The following ERGIC2 variants were observed in gnomAD, a reference collection of about 807,000 sequenced individuals.
ERGIC2 encodes the protein ERGIC and golgi 2, also known as endoplasmic reticulum-Golgi intermediate compartment protein 2.
A neutral mutation model predicts 52.5 loss-of-function variants in ERGIC2; 31 were observed. The observed-to-expected ratio is 0.59, with a 90% CI of 0.44 to 0.80. The LOEUF is 0.80. Ranked by LOEUF, ERGIC2 falls within the 30% of genes least tolerant of loss-of-function variation. ERGIC2 has a pLI of 0.00. For synonymous variants in ERGIC2, 129 were observed against 140.6 expected (o/e 0.92, Z 0.58); for missense variants, 395 against 455.2 (o/e 0.87, Z 1.20).
chr12:29,347,103 TAA>T (rs1260767122), intron 10 of ERGIC2, among the ~76,000 whole-genome samples: 2 of 152,182 alleles, frequency 1.3e-5, no homozygotes, highest in South Asian at 2.1e-4. Context: ...CCTTTGTACA[TAA>T]AAGAGTAAAA....
At chr12:29,359,253 A>G (rs889239784) in intron 6 of ERGIC2, among the ~76,000 whole-genome samples, 3 of 151,934 alleles carry the variant, frequency 2.0e-5, no homozygotes, top group African/African-American at 7.3e-5. Context: ...TTTGACATTG[A>G]ATCTTTGGAT....
At chr12:29,380,331 C>A (rs1159600586) in intron 1 of ERGIC2, among the ~76,000 whole-genome samples, 1 of 151,972 alleles carries the variant, frequency 6.6e-6, no homozygotes, top group Admixed American at 6.6e-5. Flanking sequence ...ATGAATAAAT[C>A]CTGTTTTTAA....
At chr12:29,360,659 T>C (rs1007267221) in intron 6 of ERGIC2, among the ~76,000 whole-genome samples, 6 of 148,356 alleles carry the variant, frequency 4.0e-5, no homozygotes, top group Non-Finnish European at 7.4e-5. Context: ...TTTGTATATA[T>C]ATACACAGAA....
intron 12 of ERGIC2, 178 bp from the exon 13 acceptor site, chr12:29,341,994 G>A: frequency 4.3e-6 from 2 of 459,880 alleles, no homozygotes; most frequent in South Asian, 5.6e-5. Context: ...AAGTCACAAG[G>A]CCACATAATT....
chr12:29,357,343 T>G (rs915254629), intron 7 of ERGIC2, among the ~76,000 whole-genome samples: 1 of 152,138 alleles, frequency 6.6e-6, no homozygotes, highest in South Asian at 2.1e-4. Flanking sequence ...ATCCTCAAAA[T>G]AGTAAATGAA....
chr12:29,370,516 A>G (rs1194282460), intron 2 of ERGIC2, among the ~76,000 whole-genome samples: 1 of 152,022 alleles, frequency 6.6e-6, no homozygotes, highest in African/African-American at 2.4e-5. Flanking sequence ...AGAGTTGACA[A>G]AATTTGTATT....
intron 10 of ERGIC2, among the ~76,000 whole-genome samples, chr12:29,346,351 C>T (rs201656661): frequency 6.6e-6 from 1 of 151,766 alleles, no homozygotes; most frequent in East Asian, 2.0e-4. Flanking sequence ...CCAAGCCCAA[C>T]TAAATTTTTT....
At chr12:29,343,804 T>A (rs983110565) in intron 11 of ERGIC2, among the ~76,000 whole-genome samples, 1 of 152,130 alleles carries the variant, frequency 6.6e-6, no homozygotes, top group South Asian at 2.1e-4. Context: ...ATAAATATAT[T>A]GTCACTACCT....
chr12:29,370,578 C>G (rs1390941821), intron 2 of ERGIC2, among the ~76,000 whole-genome samples: 1 of 151,860 alleles, frequency 6.6e-6, no homozygotes, highest in African/African-American at 2.4e-5. Context: ...GTAAGCATGC[C>G]TTATAGCACA....
intron 10 of ERGIC2, among the ~76,000 whole-genome samples, chr12:29,346,816 T>C (rs1380891261): frequency 1.3e-5 from 2 of 152,180 alleles, no homozygotes; most frequent in Admixed American, 6.5e-5. Context: ...TCACATAATA[T>C]AAAACATGTT....
chr12:29,371,474 G>A, intron 2 of ERGIC2, 54 bp downstream of exon 2: 1 of 1,133,138 alleles, frequency 8.8e-7, no homozygotes, highest in South Asian at 1.5e-5. Context: ...TTGTTGACTG[G>A]ATCACGCAGA....
chr12:29,375,620 C>T (rs147535164), intron 1 of ERGIC2, among the ~76,000 whole-genome samples: 71 of 152,238 alleles, frequency 4.7e-4, no homozygotes, highest in Non-Finnish European at 8.4e-4. Flanking sequence ...GTATAATGAG[C>T]TTTCTAAATG....
intron 13 of ERGIC2, 142 bp from the exon 14 acceptor site, chr12:29,341,360 T>TA: frequency 1.5e-6 from 1 of 678,462 alleles, no homozygotes; most frequent in Non-Finnish European, 2.6e-6. Context: ...CCCCTATTTC[T>TA]CTATCTCTCT....
intron 11 of ERGIC2, among the ~76,000 whole-genome samples, chr12:29,345,093 C>T (rs1036193043): frequency 6.6e-6 from 1 of 152,264 alleles, no homozygotes. Context: ...AAAGAATCTG[C>T]TGCCAGATCA....
chr12:29,353,525 AAC>A (rs1446338339), intron 8 of ERGIC2, among the ~76,000 whole-genome samples: 3 of 152,072 alleles, frequency 2.0e-5, no homozygotes, highest in Non-Finnish European at 2.9e-5. Flanking sequence ...TGAAATCTGA[AAC>A]ACTCTTAAGC....
rs557096551 is a variant in ERGIC2, at chr12:29,369,616, C to A, written c.215+498G>T. On this transcript the variant is annotated intron_variant, in intron 3 of 13. Coordinates refer to ENST00000360150, the MANE Select transcript of ERGIC2 (RefSeq NM_016570.3). ...TATTATAAACCTATTATCTTCATTC[C>A]ATTGAAGAAATCCAAATAATACAAA... is the stretch of plus-strand genomic sequence containing the variant. Among the ~76,000 whole-genome samples the A allele has an allele frequency of 3.6e-4, 55 of 151,994 alleles. No homozygotes were observed. The South Asian group carries it at 0.01, about 29-fold the overall frequency.
chr12:29,368,127 A>G (rs1940390048), intron 4 of ERGIC2, 114 bp downstream of exon 4: 1 of 695,136 alleles, frequency 1.4e-6, no homozygotes. Context: ...CCACAGTAAA[A>G]CTTTAAAATA....
intron 6 of ERGIC2, among the ~76,000 whole-genome samples, chr12:29,360,527 TAATG>T (rs992990730): frequency 4.7e-5 from 7 of 147,648 alleles, no homozygotes; most frequent in Non-Finnish European, 1.0e-4. Flanking sequence ...ATAAAATATA[TAATG>T]AATATATAAA....
chr12:29,365,900 A>G (rs1456375404), intron 5 of ERGIC2, among the ~76,000 whole-genome samples: 1 of 152,012 alleles, frequency 6.6e-6, no homozygotes, highest in African/African-American at 2.4e-5. Context: ...CAGAGTGGCA[A>G]TAACAAAAGT....
Sources: gnomAD v4.1 joint callset for allele counts (sites outside exome capture counted in the v4.1 genomes callset) on GRCh38, gnomAD v4.1.1 for gene constraint, MANE v1.5 for transcripts, NCBI Gene and HGNC (gene_info 2026-07-23, HGNC 2026-07-21) for gene names.